Variants in SFTPD observed in about 807,000 individuals in gnomAD.
SFTPD encodes pulmonary surfactant-associated protein D.
SFTPD carries 18 observed loss-of-function variants against 34.6 expected under a neutral mutation model. That is an observed-to-expected ratio of 0.52 (90% CI 0.36 to 0.77). The LOEUF is 0.77. Ranked by LOEUF, SFTPD falls within the 30% of genes least tolerant of loss-of-function variation. The pLI is 0.00. For synonymous variants in SFTPD, 155 were observed against 180.9 expected, an observed-to-expected ratio of 0.86 and a Z score of 1.15; for missense variants, 433 against 468.9, an observed-to-expected ratio of 0.92 and a Z score of 0.71.
At chr10:79,939,591 A>C (rs1360698935) in intron 7 of SFTPD, among the ~76,000 whole-genome samples, 2 of 152,158 alleles carry the variant, frequency 1.3e-5, no homozygotes, top group African/African-American at 2.4e-5. Flanking sequence ...ATGGTGTTTA[A>C]GTGCACACAC....
intron 1 of SFTPD, among the ~76,000 whole-genome samples, chr10:79,954,325 G>A (rs1195955349): frequency 1.3e-5 from 2 of 152,160 alleles, no homozygotes; most frequent in East Asian, 1.9e-4. Flanking sequence ...TGGCTGATAG[G>A]GTCAGCAGAC....
chr10:79,978,577 G>C (rs1276923089), intron 1 of SFTPD, among the ~76,000 whole-genome samples: 4 of 148,564 alleles, frequency 2.7e-5, no homozygotes, highest in African/African-American at 1.0e-4. Context: ...ACTTGTGCCT[G>C]GGAGGTTGAG....
In SFTPD at chr10:79,955,722, G is replaced by T. The variant is rs143948504; in HGVS notation, c.37-9060C>A. 5.7e-3 allele frequency among the ~76,000 whole-genome samples: 875 copies of T among 152,334 alleles called. 2 individuals are homozygous for T. The highest frequency in any genetic ancestry group is 0.024 in the Middle Eastern group (7 of 294). On this transcript the variant is annotated intron_variant, in intron 1 of 5. Coordinates refer to the SFTPD transcript ENST00000444384. ...CTAATAAAAATGACAAAGTGAGAGTGCTTGAAACTACCTTTTTGGATGAGA... is the reference window on the plus strand; with the variant it reads ...CTAATAAAAATGACAAAGTGAGAGTTCTTGAAACTACCTTTTTGGATGAGA...
chr10:79,940,921 A>G (rs1029609306), intron 6 of SFTPD, 133 bp from the exon 7 acceptor site: 1 of 624,400 alleles, frequency 1.6e-6, no homozygotes, highest in African/African-American at 1.8e-5. Flanking sequence ...GCCCACATCT[A>G]CTGACACAGC....
At chr10:79,965,539 C>CTTTTTTTTTTTTTT (rs149878455) in intron 1 of SFTPD, among the ~76,000 whole-genome samples, 10 of 113,432 alleles carry the variant, frequency 8.8e-5, no homozygotes, top group South Asian at 3.0e-4. Flanking sequence ...TTTTATTTTT[C>CTTTTTTTTTTTTTT]TTTTTTTTTT....
chr10:79,956,421 T>C (rs1249254585), intron 1 of SFTPD, among the ~76,000 whole-genome samples: 1 of 152,248 alleles, frequency 6.6e-6, no homozygotes, highest in Non-Finnish European at 1.5e-5. Flanking sequence ...GGGTGACAGA[T>C]GGCACCTGGA....
intron 1 of SFTPD, among the ~76,000 whole-genome samples, chr10:79,965,592 T>TA (rs1158783395): frequency 7.3e-6 from 1 of 137,414 alleles, no homozygotes; most frequent in African/African-American, 2.8e-5. Flanking sequence ...ATGTTTTTTT[T>TA]TTATTATACT....
chr10:79,977,880 G>A (rs956219744), intron 1 of SFTPD, among the ~76,000 whole-genome samples: 1 of 151,762 alleles, frequency 6.6e-6, no homozygotes, highest in Non-Finnish European at 1.5e-5. Flanking sequence ...TCAGTAAAGA[G>A]ATCTTGCATG....
intron 1 of SFTPD, among the ~76,000 whole-genome samples, chr10:79,964,213 A>C (rs915608587): frequency 1.3e-5 from 2 of 152,242 alleles, no homozygotes; most frequent in Middle Eastern, 3.4e-3. Context: ...CTGCACCACC[A>C]TACTGTTATA....
chr10:79,939,110 G>T (rs993578143), intron 7 of SFTPD, among the ~76,000 whole-genome samples: 1 of 152,012 alleles, frequency 6.6e-6, no homozygotes, highest in Admixed American at 6.5e-5. Context: ...GCAAGGGAAA[G>T]TCACTTCCCT....
chr10:79,976,225 A>G (rs3923564), intron 1 of SFTPD, among the ~76,000 whole-genome samples: 9,122 of 152,150 alleles, frequency 0.06, 595 homozygotes, highest in East Asian at 0.39. Context: ...TAGCATGAGG[A>G]CTTTAAGATT....
chr10:79,942,576 G>T (rs1386810122), intron 3 of SFTPD, 72 bp from the exon 4 acceptor site: 9 of 1,088,306 alleles, frequency 8.3e-6, no homozygotes, highest in Non-Finnish European at 1.1e-5. Flanking sequence ...TAAGGTGAGG[G>T]TAATAACAGA....
At chr10:79,974,624 A>C (rs1589344238) in intron 1 of SFTPD, among the ~76,000 whole-genome samples, 1 of 152,192 alleles carries the variant, frequency 6.6e-6, no homozygotes, top group Non-Finnish European at 1.5e-5. Context: ...CTCTCCATCT[A>C]TCTCTAAATG....
At chr10:79,944,629 G>A (rs575376762) in intron 2 of SFTPD, among the ~76,000 whole-genome samples, 65 of 152,208 alleles carry the variant, frequency 4.3e-4, no homozygotes, top group African/African-American at 1.4e-3. Context: ...TGGTCCTGCC[G>A]GGACTCATGG....
At position 79,946,639 on chromosome 10, in the gene SFTPD, A is replaced by G; in HGVS notation, c.21T>C (p.Ser7=). ...GGGGCTGTGTGAGCAGGACCAGTGC[A>G]GAGAGGAGGAAGAGCAGCATGGCCT... MLLFLL[S]ALVLLTQPLG... is the part of the protein sequence containing the mutation. Residue 7 remains serine, a synonymous_variant, in exon 2 of 8, where the codon TCT becomes TCC. Coordinates refer to ENST00000372292, the MANE Select transcript of SFTPD (RefSeq NM_003019.5). 1 of 1,614,206 alleles carries G rather than the reference A, an allele frequency of 6.2e-7. No individual in the cohort carries two copies. The highest frequency in any genetic ancestry group is 8.5e-7 in the Non-Finnish European group (1 of 1,180,024).
Position 79,938,198 on chromosome 10 carries a change from C to T in SFTPD, c.782G>A (p.Gly261Glu), listed in dbSNP as rs978752105. 6.3e-7 allele frequency: 1 copy of T among 1,599,146 alleles called. No homozygotes were observed. The highest frequency in any genetic ancestry group is 1.3e-5 in the African/African-American group (1 of 74,596). The change falls in exon 8 of 8, where the codon GGG (glycine) becomes GAG (glutamate). Residue 261 changes from glycine (G) to glutamate (E), a missense_variant. Physicochemically the swap from Gly to Glu is moderately conservative, Grantham distance 98. Transcript: ENST00000372292. ...VELFPNGQSV[G>E]EKIFKTAGFV... Reference sequence around the variant, plus strand: ...GCCTGCTGTCTTGAAAATCTTCTCCCCGACACTTTGGCCATTTGGGAAGAG... The same window carrying T: ...GCCTGCTGTCTTGAAAATCTTCTCCTCGACACTTTGGCCATTTGGGAAGAG...
chr10:79,964,598 C>G (rs1201721016), intron 1 of SFTPD, among the ~76,000 whole-genome samples: 1 of 151,926 alleles, frequency 6.6e-6, no homozygotes, highest in East Asian at 1.9e-4. Flanking sequence ...ATAACCTCTT[C>G]CTTGTAGGTT....
At chr10:79,967,745 G>C (rs2132519069) in intron 1 of SFTPD, among the ~76,000 whole-genome samples, 1 of 152,108 alleles carries the variant, frequency 6.6e-6, no homozygotes, top group Non-Finnish European at 1.5e-5. Context: ...ACATCCAGAT[G>C]GCCTGAAGTA....
At chr10:79,981,668 G>A (rs1439253983) in intron 1 of SFTPD, among the ~76,000 whole-genome samples, 1 of 152,194 alleles carries the variant, frequency 6.6e-6, no homozygotes, top group African/African-American at 2.4e-5. Flanking sequence ...AAACAACTGG[G>A]TGGCTGTGGG....
Sources: allele counts gnomAD v4.1 joint callset (sites outside exome capture counted in the v4.1 genomes callset), GRCh38; gene constraint gnomAD v4.1.1; transcripts MANE v1.5; gene names NCBI Gene and HGNC (gene_info 2026-07-23, HGNC 2026-07-21).